Variants in THAP4 observed in about 807,000 individuals in gnomAD.
The protein encoded by THAP4 is THAP domain containing 4, also known as peroxynitrite isomerase THAP4.
THAP4 carries 18 observed loss-of-function variants against 48.1 expected under a neutral mutation model. The observed-to-expected ratio is 0.37, with a 90% confidence interval of 0.26 to 0.56. The LOEUF (loss-of-function observed/expected upper bound fraction) is 0.56. Ranked by LOEUF, THAP4 falls within the 20% of genes least tolerant of loss-of-function variation. THAP4 has a pLI of 0.78. For missense variants in THAP4, 656 were observed against 774.9 expected (o/e 0.85, Z 1.82); for synonymous variants, 345 against 324.9 (o/e 1.06, Z -0.66).
At chr2:241,619,424 G>A (rs150096391) in intron 2 of THAP4, among the ~76,000 whole-genome samples, 12 of 152,328 alleles carry the variant, frequency 7.9e-5, no homozygotes, top group South Asian at 2.1e-4. Flanking sequence ...TGCACTTACC[G>A]CGTACCACGC....
intron 5 of THAP4, among the ~76,000 whole-genome samples, chr2:241,594,378 G>A (rs767531562): frequency 2.0e-5 from 3 of 152,142 alleles, no homozygotes; most frequent in Non-Finnish European, 2.9e-5. Context: ...AAGCCCAGGA[G>A]TTCGAGACCA....
intron 5 of THAP4, among the ~76,000 whole-genome samples, chr2:241,586,262 G>GGA (rs2066895627): frequency 3.6e-5 from 3 of 83,994 alleles, no homozygotes; most frequent in African/African-American, 1.4e-4. Context: ...ATCTGAAGAG[G>GGA]AAAAAAAAAA....
intron 2 of THAP4, among the ~76,000 whole-genome samples, chr2:241,622,774 A>ATT (rs577529548): frequency 6.7e-6 from 1 of 150,230 alleles, no homozygotes; most frequent in African/African-American, 2.4e-5. Context: ...TAATTTTCTT[A>ATT]TTTTTTTTTG....
rs1453578015 is a variant in THAP4 at position 241,612,268 on chromosome 2, C to A, written c.1241-5795G>T. On this transcript the variant is annotated intron_variant, in intron 2 of 5. Coordinates refer to ENST00000407315, the MANE Select transcript of THAP4 (RefSeq NM_015963.6). The surrounding 1 kb of genome is among the most constrained non-coding windows in gnomAD (Gnocchi z 4.1). ...GACAGAAATGAGTTAAAAAAAAAGA[C>A]AAAAGATAGAGAAATGGAAACAAAG... Among the ~76,000 whole-genome samples, 1 of 152,054 alleles carries A rather than the reference C, an allele frequency of 6.6e-6. No individual in the cohort carries two copies. Among genetic ancestry groups the A allele is most frequent in the Non-Finnish European group, 1.5e-5 (1 of 68,026 alleles).
chr2:241,584,881 G>A, intron 5 of THAP4, 156 bp from the exon 6 acceptor site: 1 of 868,100 alleles, frequency 1.2e-6, no homozygotes, highest in Admixed American at 2.2e-5. Flanking sequence ...GGGCCCCTGG[G>A]CATGTCACAA....
At chr2:241,599,208 T>A (rs1229154442) in intron 5 of THAP4, among the ~76,000 whole-genome samples, 1 of 150,426 alleles carries the variant, frequency 6.6e-6, no homozygotes, top group Non-Finnish European at 1.5e-5. Context: ...GCTGAGATCG[T>A]GCCACTGCAT....
Position 241,610,291 on chromosome 2 carries a change from C to G in THAP4, c.1241-3818G>C, listed in dbSNP as rs1234219262. Among the ~76,000 whole-genome samples, 2 of 152,286 alleles carry G rather than the reference C, an allele frequency of 1.3e-5. No individual in the cohort carries two copies. The highest frequency in any genetic ancestry group is 2.9e-5 in the Non-Finnish European group (2 of 68,006). On this transcript the variant is annotated intron_variant, in intron 2 of 5. Transcript: ENST00000407315. This position sits in a 1 kb window ranked among gnomAD's most constrained non-coding sequence, Gnocchi z 4.2. ...CTCCGCCGGCCCCGCCCCGGAAGCG[C>G]AGCCCCGCCTCAGGCGCCGCATCTC... is the stretch of plus-strand genomic sequence containing the variant.
chr2:241,601,967 C>T lies in THAP4; in HGVS notation c.1543G>A (p.Gly515Arg), dbSNP rs2067119263. The change falls in exon 5 of 6, where the codon GGG (glycine) becomes AGG (arginine). Residue 515 changes from glycine (G) to arginine (R), a missense_variant. Physicochemically the swap from Gly to Arg is moderately radical, Grantham distance 125. Coordinates refer to ENST00000407315, the MANE Select transcript of THAP4 (RefSeq NM_015963.6). This position sits in a 1 kb window ranked among gnomAD's most constrained non-coding sequence, Gnocchi z 4.0. ...TGGGATGCGATGCACAGCTCCTGCC[C>T]GTTCACCTCGCCCTCCTCCACTTCC... The part of the protein sequence containing the change: ...VVEVEEGEVN[G>R]QELCIASHSI... The T allele has an allele frequency of 2.5e-6, 4 of 1,612,420 alleles. No homozygotes were observed. The highest frequency in any genetic ancestry group is 3.4e-6 in the Non-Finnish European group (4 of 1,180,000).
At chr2:241,635,919 G>A (rs1204914561) in intron 1 of THAP4, among the ~76,000 whole-genome samples, 2 of 152,140 alleles carry the variant, frequency 1.3e-5, no homozygotes, top group African/African-American at 2.4e-5. Context: ...TAAGCAACAG[G>A]ACCTTCTAAC....
In THAP4 at chr2:241,606,928, C is replaced by T. The variant is rs142973362; in HGVS notation, c.1241-455G>A. ...ACAGCAAGGCTGAAAGCAGCTCACACGGGAGGCACGGTGCCCTGGCGTGAA... is the reference window on the plus strand; with the variant it reads ...ACAGCAAGGCTGAAAGCAGCTCACATGGGAGGCACGGTGCCCTGGCGTGAA... On this transcript the variant is annotated intron_variant, in intron 2 of 5. Transcript: ENST00000407315. Among the ~76,000 whole-genome samples the T allele has an allele frequency of 3.3e-4, 51 of 152,260 alleles. No homozygotes were observed. The East Asian group carries it at 8.1e-3, about 24-fold the overall frequency.
In THAP4 at chr2:241,610,204, G is replaced by A. The variant is rs2067248339; in HGVS notation, c.1241-3731C>T. 6.6e-6 allele frequency among the ~76,000 whole-genome samples: 1 copy of A among 152,206 alleles called. No homozygotes were observed. Among genetic ancestry groups the A allele is most frequent in the South Asian group, 2.1e-4 (1 of 4,838 alleles). ...ACTCCCCACGAGGCAGGACAGCCCCGGGCTAGGGTGAGGGGCACGCGCCGC... is the reference window on the plus strand; with the variant it reads ...ACTCCCCACGAGGCAGGACAGCCCCAGGCTAGGGTGAGGGGCACGCGCCGC... On this transcript the variant is annotated intron_variant, in intron 2 of 5. Coordinates refer to ENST00000407315, the MANE Select transcript of THAP4 (RefSeq NM_015963.6). The surrounding 1 kb of genome is among the most constrained non-coding windows in gnomAD (Gnocchi z 4.2).
chr2:241,615,199 G>A (rs1254986683), intron 2 of THAP4, among the ~76,000 whole-genome samples: 2 of 152,148 alleles, frequency 1.3e-5, no homozygotes, highest in African/African-American at 4.8e-5. Context: ...CGGTGACGGG[G>A]AGGGGCTTGG....
At chr2:241,594,206 A>G (rs2067021988) in intron 5 of THAP4, among the ~76,000 whole-genome samples, 1 of 152,220 alleles carries the variant, frequency 6.6e-6, no homozygotes, top group Non-Finnish European at 1.5e-5. Context: ...TCTACAGAGA[A>G]GGAAGATTAG....
intron 5 of THAP4, among the ~76,000 whole-genome samples, chr2:241,585,921 A>C (rs1329180597): frequency 6.9e-6 from 1 of 145,366 alleles, no homozygotes; most frequent in African/African-American, 2.5e-5. Context: ...TCAAAAAAAA[A>C]AAAAAAAAGA....
intron 1 of THAP4, among the ~76,000 whole-genome samples, chr2:241,635,768 C>CA (rs1486660832): frequency 8.0e-5 from 12 of 150,266 alleles, no homozygotes; most frequent in East Asian, 2.0e-4. Flanking sequence ...GACTCCTTCT[C>CA]AAAAAAAAGA....
chr2:241,634,202 A>C, intron 1 of THAP4, 123 bp from the exon 2 acceptor site: 1 of 664,006 alleles, frequency 1.5e-6, no homozygotes. Flanking sequence ...TCATCCACTT[A>C]AAAAAATACT....
chr2:241,637,024 C>G lies in THAP4; in HGVS notation c.-7G>C. 7.9e-7 allele frequency: 1 copy of G among 1,263,686 alleles called. No homozygotes were observed. The highest frequency in any genetic ancestry group is 1.6e-5 in the African/African-American group (1 of 63,394). 78.3% of individuals were successfully genotyped at this position (1,263,686 alleles called of 1,614,324 possible). On this transcript the variant is annotated 5_prime_UTR_variant, in exon 1 of 6. Transcript: ENST00000407315. ...CCGCACAGCAGATCACCATCGCGGG[C>G]CTTGGCCCAGCCGCGCAGCCAGGCC... is the stretch of plus-strand genomic sequence containing the variant.
chr2:241,590,711 A>C (rs2066958135), intron 5 of THAP4, among the ~76,000 whole-genome samples: 2 of 151,454 alleles, frequency 1.3e-5, no homozygotes, highest in African/African-American at 4.8e-5. Context: ...TAGGACACAC[A>C]GAACTGCTTG....
At chr2:241,603,219 C>A in intron 3 of THAP4, 140 bp from the exon 4 acceptor site, 1 of 665,564 alleles carries the variant, frequency 1.5e-6, no homozygotes, top group East Asian at 2.8e-5. Context: ...CCTACCACCA[C>A]CTTGCTCATT....
Sources: gnomAD v4.1 joint callset for allele counts (sites outside exome capture counted in the v4.1 genomes callset) on GRCh38, gnomAD v4.1.1 for gene constraint, Gnocchi (gnomAD v3.1) non-coding constraint, MANE v1.5 for transcripts, NCBI Gene and HGNC (gene_info 2026-07-23, HGNC 2026-07-21) for gene names.